The following OR9Q1 variants were observed in gnomAD, a reference collection of about 807,000 sequenced individuals.
OR9Q1 encodes the protein olfactory receptor 9Q1.
For synonymous variants in OR9Q1, 153 were observed against 148.6 expected (o/e 1.03, Z -0.22); for missense variants, 374 against 378.8 (o/e 0.99, Z 0.11).
chr11:58,087,815 G>A (rs1272896275), intron 2 of OR9Q1, among the ~76,000 whole-genome samples: 1 of 151,576 alleles, frequency 6.6e-6, no homozygotes, highest in Non-Finnish European at 1.5e-5. Flanking sequence ...AACACGTGTT[G>A]TTTGGTTTTC....
intron 1 of OR9Q1, among the ~76,000 whole-genome samples, chr11:58,055,310 T>G (rs1315834709): frequency 6.6e-6 from 1 of 152,142 alleles, no homozygotes; most frequent in Non-Finnish European, 1.5e-5. Context: ...TTATACTACA[T>G]AAGCACCGAT....
At chr11:58,124,794 G>A (rs962193044) in intron 2 of OR9Q1, among the ~76,000 whole-genome samples, 1 of 152,146 alleles carries the variant, frequency 6.6e-6, no homozygotes, top group Admixed American at 6.5e-5. Context: ...TTGGAGTGTT[G>A]AATCAACACG....
At chr11:58,125,280 A>G (rs775636670) in intron 2 of OR9Q1, 1 of 115,096 alleles carries the variant, frequency 8.7e-6, no homozygotes, top group Non-Finnish European at 1.6e-5. Flanking sequence ...TTACTTGTAT[A>G]TTTCACATAA....
Position 58,085,172 on chromosome 11 carries a change from T to A in OR9Q1, c.-15+29225T>A, listed in dbSNP as rs182313349. ...TTAATCAGTTTCTTAGTCACCTGCT[T>A]CTAATATTGTGTTAGAATTTTTCAG... On this transcript the variant is annotated intron_variant, in intron 2 of 2. Transcript: ENST00000335397. 3.3e-5 allele frequency among the ~76,000 whole-genome samples: 5 copies of A among 152,112 alleles called. No homozygotes were observed. The East Asian group carries it at 9.6e-4, about 29-fold the overall frequency.
In OR9Q1 at chr11:58,076,747, A is replaced by G. The variant is rs542982019; in HGVS notation, c.-15+20800A>G. ...AGTGATTCTCCTCCCTTGGCCTCCC[A>G]AAGTGCTGGGATTACAGGCATGAGA... On this transcript the variant is annotated intron_variant, in intron 2 of 2. Coordinates refer to ENST00000335397, the MANE Select transcript of OR9Q1 (RefSeq NM_001005212.4). 2.6e-5 allele frequency among the ~76,000 whole-genome samples: 4 copies of G among 152,282 alleles called. No individual in the cohort carries two copies. The East Asian group carries it at 7.7e-4, about 29-fold the overall frequency.
chr11:58,057,252 G>T (rs1387707827), intron 2 of OR9Q1, among the ~76,000 whole-genome samples: 1 of 152,042 alleles, frequency 6.6e-6, no homozygotes, highest in African/African-American at 2.4e-5. Context: ...TTCCCAAAGT[G>T]CTGGGATTAC....
At chr11:58,115,650 T>C (rs1304699537) in intron 2 of OR9Q1, among the ~76,000 whole-genome samples, 1 of 152,108 alleles carries the variant, frequency 6.6e-6, no homozygotes, top group South Asian at 2.1e-4. Context: ...GAAAGAGAGG[T>C]GTGTGCCACT....
At chr11:58,061,464 C>T (rs1364714042) in intron 2 of OR9Q1, among the ~76,000 whole-genome samples, 1 of 152,122 alleles carries the variant, frequency 6.6e-6, no homozygotes, top group African/African-American at 2.4e-5. Flanking sequence ...CCTTTGTTAC[C>T]TTCGTTTTGT....
chr11:58,100,745 G>A (rs1853776174), intron 2 of OR9Q1, among the ~76,000 whole-genome samples: 1 of 151,906 alleles, frequency 6.6e-6, no homozygotes, highest in African/African-American at 2.4e-5. Context: ...TTTTTACAGA[G>A]TATAGAATTC....
chr11:58,158,590 T>C (rs1273101373), intron 2 of OR9Q1, among the ~76,000 whole-genome samples: 2 of 152,164 alleles, frequency 1.3e-5, no homozygotes, highest in African/African-American at 4.8e-5. Flanking sequence ...ATGCCTCTAC[T>C]TTCAGCAGTG....
At chr11:58,119,324 C>G in intron 2 of OR9Q1, 2 of 1,613,828 alleles carry the variant, frequency 1.2e-6, no homozygotes, top group Non-Finnish European at 1.7e-6. Flanking sequence ...CCCACATTCC[C>G]AAGAAGGGTG....
intron 1 of OR9Q1, among the ~76,000 whole-genome samples, chr11:58,046,738 A>G (rs547449079): frequency 6.6e-6 from 1 of 152,024 alleles, no homozygotes; most frequent in African/African-American, 2.4e-5. Context: ...TAGTGGGTGC[A>G]TGTAATCCCA....
At chr11:58,153,142 A>G (rs957825519) in intron 2 of OR9Q1, among the ~76,000 whole-genome samples, 5 of 152,254 alleles carry the variant, frequency 3.3e-5, no homozygotes, top group African/African-American at 1.2e-4. Flanking sequence ...AGAAATAGAA[A>G]TAGAATAAAG....
At chr11:58,080,900 G>A (rs987035632) in intron 2 of OR9Q1, among the ~76,000 whole-genome samples, 1 of 152,152 alleles carries the variant, frequency 6.6e-6, no homozygotes, top group Admixed American at 6.5e-5. Flanking sequence ...CATGTGCCAT[G>A]TTGGTTTGCT....
rs116790739 is a variant in OR9Q1 at position 58,175,360 on chromosome 11, T to C, written c.-14-4071T>C. Reference sequence around the variant, plus strand: ...TGGGCTCTCCTGCCCATATATGTGCTGACCCCCTTTCCTAAAGAGTTTTGC... The same window carrying C: ...TGGGCTCTCCTGCCCATATATGTGCCGACCCCCTTTCCTAAAGAGTTTTGC... On this transcript the variant is annotated intron_variant, in intron 2 of 2. Transcript: ENST00000335397. Among the ~76,000 whole-genome samples the C allele has an allele frequency of 9.1e-3, 1,381 of 152,190 alleles. 10 individuals carry two copies. The highest frequency in any genetic ancestry group is 0.031 in the Middle Eastern group (9 of 294).
intron 1 of OR9Q1, among the ~76,000 whole-genome samples, chr11:58,024,626 G>A (rs981863987): frequency 2.6e-5 from 4 of 152,222 alleles, no homozygotes; most frequent in Non-Finnish European, 5.9e-5. Context: ...ATTGGGCCAA[G>A]TTCCTGTGCG....
At chr11:58,081,459 C>A (rs879319974) in intron 2 of OR9Q1, among the ~76,000 whole-genome samples, 1 of 152,172 alleles carries the variant, frequency 6.6e-6, no homozygotes, top group South Asian at 2.1e-4. Context: ...TCCTATTTCT[C>A]CATGTCCTCT....
chr11:58,164,237 G>C (rs960927017), intron 2 of OR9Q1, among the ~76,000 whole-genome samples: 2 of 152,064 alleles, frequency 1.3e-5, no homozygotes, highest in African/African-American at 2.4e-5. Context: ...CCACGTTCCT[G>C]TCTTTAGGTG....
chr11:58,175,691 C>G (rs1457494029), intron 2 of OR9Q1, among the ~76,000 whole-genome samples: 1 of 152,032 alleles, frequency 6.6e-6, no homozygotes, highest in African/African-American at 2.4e-5. Flanking sequence ...TTTCATTTCA[C>G]ATCTCTTGCT....
Sources: allele counts gnomAD v4.1 joint callset (sites outside exome capture counted in the v4.1 genomes callset), GRCh38; gene constraint gnomAD v4.1.1; transcripts MANE v1.5; gene names NCBI Gene and HGNC (gene_info 2026-07-23, HGNC 2026-07-21).